KLKB1: variants seen among roughly 807,000 people sequenced by gnomAD.
The protein encoded by KLKB1 is kallikrein B1, also known as plasma kallikrein.
KLKB1 carries 58 observed loss-of-function variants against 73.6 expected under a neutral mutation model. That is an observed-to-expected ratio of 0.79 (90% CI 0.64 to 0.98). KLKB1 has a LOEUF of 0.98. KLKB1 is among the 50% of genes least tolerant of loss of function. The pLI is 0.00. For missense variants in KLKB1, 737 were observed against 763.8 expected, an observed-to-expected ratio of 0.96 and a Z score of 0.41; for synonymous variants, 280 against 258.1, an observed-to-expected ratio of 1.08 and a Z score of -0.81.
chr4:186,248,766 C>T (rs1738518703), intron 6 of KLKB1, among the ~76,000 whole-genome samples: 1 of 152,086 alleles, frequency 6.6e-6, no homozygotes. Flanking sequence ...TTTTTGAGAG[C>T]AGCTACACAA....
intron 11 of KLKB1, 46 bp downstream of exon 11, chr4:186,252,231 AT>A: frequency 6.3e-7 from 1 of 1,581,970 alleles, no homozygotes; most frequent in Non-Finnish European, 8.7e-7. Context: ...TTGGCTTTTC[AT>A]TTTGAAGGAT....
Position 186,238,411 on chromosome 4 carries a change from G to A in KLKB1, c.598+46G>A, listed in dbSNP as rs117328655. On this transcript the variant is annotated intron_variant, in intron 6 of 14. Transcript: ENST00000264690. ...CTTTGTGATTGTGGTAGGTGGAATAGGAGCCCCCAGAGACGTCCCTGTGCT... is the reference window on the plus strand; with the variant it reads ...CTTTGTGATTGTGGTAGGTGGAATAAGAGCCCCCAGAGACGTCCCTGTGCT... 534 of 1,322,344 alleles carry A rather than the reference G, an allele frequency of 4.0e-4. 1 individual carries two copies. In the East Asian group the frequency reaches 9.3e-3, roughly 23 times the overall value. The allele number at this position is 1,322,344 out of a possible 1,614,324, so 81.9% of individuals were successfully genotyped here.
At chr4:186,213,814 A>G (rs1736809284) in intron 2 of KLKB1, among the ~76,000 whole-genome samples, 1 of 152,214 alleles carries the variant, frequency 6.6e-6, no homozygotes, top group African/African-American at 2.4e-5. Flanking sequence ...CTAGAAGATC[A>G]AAACCTTTTT....
chr4:186,258,258 C>A lies in KLKB1; in HGVS notation c.*46C>A. The A allele has an allele frequency of 1.3e-6, 2 of 1,538,146 alleles. No individual in the cohort carries two copies. The highest frequency in any genetic ancestry group is 1.1e-5 in the South Asian group (1 of 87,066). ...CAATTTTTACAACCTGAGTTCAAGT[C>A]AAATTCTGAGCCTGGGGGGTCCTCA... On this transcript the variant is annotated 3_prime_UTR_variant, in exon 15 of 15. Transcript: ENST00000264690.
At position 186,227,561 on chromosome 4, in the gene KLKB1, A is replaced by G. The variant is rs1737208376; in HGVS notation, c.-28A>G. ...TTCATTTTTAAGTGACAAGAGACTCACCTCCAAGAAGCAATTGTGTTTTCA... is the reference window on the plus strand; with the variant it reads ...TTCATTTTTAAGTGACAAGAGACTCGCCTCCAAGAAGCAATTGTGTTTTCA... On this transcript the variant is annotated 5_prime_UTR_variant, in exon 1 of 15. Coordinates refer to ENST00000264690, the MANE Select transcript of KLKB1 (RefSeq NM_000892.5). The G allele has an allele frequency of 6.6e-6, 1 of 152,234 alleles. No individual in the cohort carries two copies. The allele number at this position is 152,234 out of a possible 1,614,324, so 9.4% of individuals were successfully genotyped here. A position where few individuals can be genotyped will look rare whatever the true frequency, so the allele number is the denominator to read the frequency against.
chr4:186,232,182 C>T lies in KLKB1; in HGVS notation c.114C>T (p.Ser38=). The change falls in exon 3 of 15, where the codon TCC becomes TCT. Residue 38 remains serine (S), a synonymous_variant. Transcript: ENST00000264690. The part of the protein sequence containing the change: ...NAFFRGGDVA[S]MYTPNAQYCQ... ...TCTTCAGAGGTGGGGATGTAGCTTCCATGTACACCCCAAATGCCCAATACT... is the reference window on the plus strand; with the variant it reads ...TCTTCAGAGGTGGGGATGTAGCTTCTATGTACACCCCAAATGCCCAATACT... The T allele has an allele frequency of 1.2e-6, 2 of 1,613,588 alleles. No homozygotes were observed. The highest frequency in any genetic ancestry group is 2.2e-5 in the East Asian group (1 of 44,874).
At chr4:186,233,877 G>A (rs1737528571) in intron 3 of KLKB1, 75 bp from the exon 4 acceptor site, 3 of 1,006,870 alleles carry the variant, frequency 3.0e-6, no homozygotes, top group Non-Finnish European at 4.7e-6. Context: ...ATTTGTTAGT[G>A]TGTAGAAAAT....
chr4:186,252,126 G>T lies in KLKB1; in HGVS notation c.1254G>T (p.Leu418=), dbSNP rs760059015. 1.2e-6 allele frequency: 2 copies of T among 1,613,892 alleles called. No homozygotes were observed. The highest frequency in any genetic ancestry group is 4.5e-5 in the East Asian group (2 of 44,890). ...LQVKLTAQRH[L]CGGSLIGHQW... ...TGAAGCTGACAGCTCAGAGGCACCT[G>T]TGTGGAGGGTCACTCATAGGACACC... Residue 418 remains leucine, a synonymous_variant, in exon 11 of 15, where the codon CTG becomes CTT. Transcript: ENST00000264690.
At chr4:186,257,890 C>G (rs1739099706) in intron 14 of KLKB1, 131 bp from the exon 15 acceptor site, 2 of 883,570 alleles carry the variant, frequency 2.3e-6, no homozygotes, top group Non-Finnish European at 3.7e-6. Flanking sequence ...AAACCCATCT[C>G]TACAAAAAAA....
intron 6 of KLKB1, among the ~76,000 whole-genome samples, chr4:186,245,333 G>A (rs1373154419): frequency 6.6e-6 from 1 of 152,196 alleles, no homozygotes; most frequent in African/African-American, 2.4e-5. Context: ...ATCTGTGATG[G>A]TCCAGGAGGC....
intron 6 of KLKB1, among the ~76,000 whole-genome samples, chr4:186,245,304 T>C (rs1561459645): frequency 6.6e-6 from 1 of 152,210 alleles, no homozygotes; most frequent in African/African-American, 2.4e-5. Context: ...TACCCTCCAC[T>C]GTAAGAGTTA....
chr4:186,248,595 A>ATTTTTTTTTTTTTTTTTTTTTTTTTTTT (rs138717531), intron 6 of KLKB1, among the ~76,000 whole-genome samples: 1 of 114,920 alleles, frequency 8.7e-6, no homozygotes, highest in Non-Finnish European at 1.7e-5. Flanking sequence ...TTGTTTCTGG[A>ATTTTTTTTTTTTTTTTTTTTTTTTTTTT]TTTTTTTTTT....
intron 2 of KLKB1, chr4:186,211,968 C>G (rs1248518383): frequency 6.6e-6 from 1 of 152,030 alleles, no homozygotes; most frequent in Non-Finnish European, 1.5e-5. Context: ...TTCATAATCT[C>G]CAGTTTTTTC....
chr4:186,227,747 G>T (rs1462728356), intron 1 of KLKB1, among the ~76,000 whole-genome samples, 160 bp downstream of exon 1: 2 of 152,120 alleles, frequency 1.3e-5, no homozygotes, highest in African/African-American at 4.8e-5. Flanking sequence ...AATGTAAGAT[G>T]ATTTTAAATC....
At chr4:186,233,166 A>G (rs1296925343) in intron 3 of KLKB1, among the ~76,000 whole-genome samples, 3 of 151,944 alleles carry the variant, frequency 2.0e-5, no homozygotes, top group African/African-American at 4.8e-5. Context: ...ACCTGCCTCT[A>G]CCTCCTAATG....
intron 2 of KLKB1, chr4:186,211,502 T>A (rs557835293): frequency 2.0e-4 from 30 of 151,900 alleles, no homozygotes; most frequent in Admixed American, 1.7e-3. Context: ...TTAGTAGAGA[T>A]GGGGTTTCAC....
Position 186,251,285 on chromosome 4 carries a change from C to T in KLKB1, c.825C>T (p.Thr275=). The stretch of plus-strand genomic sequence containing the variant: ...GTTCCTCTACTCCTCAAGAAAACAC[C>T]ATATCTGGATATAGCCTTTTAACCT... The part of the protein sequence containing the change: ...TPSSSTPQEN[T]ISGYSLLTCK... The change falls in exon 8 of 15, where the codon ACC becomes ACT. Residue 275 remains threonine (T), a synonymous_variant. Coordinates refer to ENST00000264690, the MANE Select transcript of KLKB1 (RefSeq NM_000892.5). 2 of 1,611,526 alleles carry T rather than the reference C, an allele frequency of 1.2e-6. No homozygotes were observed. Among genetic ancestry groups the T allele is most frequent in the Non-Finnish European group, 1.7e-6 (2 of 1,177,832 alleles).
rs1360238501 is a variant in KLKB1, at chr4:186,251,479, T to C, written c.869-8T>C. The C allele has an allele frequency of 6.2e-7, 1 of 1,612,862 alleles. No homozygotes were observed. The highest frequency in any genetic ancestry group is 1.3e-5 in the African/African-American group (1 of 75,016). ...TCTGATATCTTTTTGTGTTTATAAT[T>C]GACACAGAACCCTGCCATTCTAAAA... On this transcript the variant is annotated splice_region_variant and splice_polypyrimidine_tract_variant and intron_variant, in intron 8 of 14. Transcript: ENST00000264690.
At chr4:186,257,630 C>T (rs1739072342) in intron 14 of KLKB1, among the ~76,000 whole-genome samples, 1 of 104,772 alleles carries the variant, frequency 9.5e-6, no homozygotes, top group South Asian at 2.5e-4. Context: ...AAACATTAGA[C>T]TTCATCATTG....
Sources: gnomAD v4.1 joint callset for allele counts (sites outside exome capture counted in the v4.1 genomes callset) on GRCh38, gnomAD v4.1.1 for gene constraint, MANE v1.5 for transcripts, NCBI Gene and HGNC (gene_info 2026-07-23, HGNC 2026-07-21) for gene names.